The following MTX2 variants were observed in gnomAD, a reference collection of about 807,000 sequenced individuals.
The protein encoded by MTX2 is metaxin-2.
Under a neutral mutation model 42.3 loss-of-function variants are expected in MTX2, and 35 were observed. The ratio of observed to expected loss-of-function variants is 0.83; its 90% confidence interval spans 0.63 to 1.10. The LOEUF (loss-of-function observed/expected upper bound fraction) is 1.10. Ranked by LOEUF, MTX2 falls within the 50% of genes least tolerant of loss-of-function variation. The probability of loss-of-function intolerance (pLI) is 0.00; values close to 1 mark genes in which losing one functional copy is unlikely to be tolerated. For missense variants in MTX2, 307 were observed against 304.1 expected (o/e 1.01, Z -0.07); for synonymous variants, 119 against 100.9 (o/e 1.18, Z -1.08).
At chr2:176,326,706 TAC>T (rs2105442736) in intron 4 of MTX2, 117 bp from the exon 5 acceptor site, 3 of 642,160 alleles carry the variant, frequency 4.7e-6, no homozygotes, top group South Asian at 2.4e-5. Flanking sequence ...TTTCAAAAGT[TAC>T]AGTTTTATGA....
At chr2:176,309,030 G>A (rs181658267) in intron 3 of MTX2, among the ~76,000 whole-genome samples, 102 of 152,278 alleles carry the variant, frequency 6.7e-4, no homozygotes, top group Non-Finnish European at 1.1e-3. Flanking sequence ...TCGGCATTTA[G>A]TGCTATAAAT....
chr2:176,282,522 A>C (rs371836663), intron 1 of MTX2, among the ~76,000 whole-genome samples: 1 of 152,014 alleles, frequency 6.6e-6, no homozygotes. Context: ...GATCCAATTC[A>C]GATTTCATCT....
intron 7 of MTX2, 125 bp downstream of exon 7, chr2:176,329,037 C>G: frequency 1.0e-6 from 1 of 961,568 alleles, no homozygotes; most frequent in Non-Finnish European, 1.5e-6. Context: ...TAGTTTTTCA[C>G]TTACTTTAAT....
At chr2:176,313,765 G>A (rs534189893) in intron 3 of MTX2, among the ~76,000 whole-genome samples, 4 of 152,174 alleles carry the variant, frequency 2.6e-5, no homozygotes, top group South Asian at 2.1e-4. Flanking sequence ...ATGTTCACTC[G>A]AATCTTTTTT....
intron 1 of MTX2, among the ~76,000 whole-genome samples, chr2:176,275,552 G>A (rs543863572): frequency 3.3e-5 from 5 of 151,794 alleles, no homozygotes; most frequent in African/African-American, 4.8e-5. Flanking sequence ...AATTTTAAAA[G>A]GATAAAAATA....
At chr2:176,311,357 T>C (rs1684299665) in intron 3 of MTX2, among the ~76,000 whole-genome samples, 1 of 151,864 alleles carries the variant, frequency 6.6e-6, no homozygotes, top group Admixed American at 6.6e-5. Context: ...TACACGGGGG[T>C]CAGGGATCCA....
intron 1 of MTX2, among the ~76,000 whole-genome samples, chr2:176,282,154 T>TTTTTTTTTTTTTTTTTA (rs1693096722): frequency 6.9e-6 from 1 of 144,440 alleles, no homozygotes; most frequent in South Asian, 2.2e-4. Flanking sequence ...TTTTTTTTTT[T>TTTTTTTTTTTTTTTTTA]GCTGTCAGAT....
At chr2:176,294,348 G>T (rs911699504) in intron 1 of MTX2, among the ~76,000 whole-genome samples, 3 of 145,370 alleles carry the variant, frequency 2.1e-5, no homozygotes, top group Non-Finnish European at 4.5e-5. Flanking sequence ...GCAGTGGCGT[G>T]ATCTTGGCTC....
At position 176,297,841 on chromosome 2, in the gene MTX2, T is replaced by C; in HGVS notation, c.89-8T>C. The C allele has an allele frequency of 1.3e-6, 2 of 1,543,112 alleles. No homozygotes were observed. The highest frequency in any genetic ancestry group is 8.8e-7 in the Non-Finnish European group (1 of 1,139,164). On this transcript the variant is annotated splice_polypyrimidine_tract_variant and splice_region_variant and intron_variant, in intron 2 of 9. Transcript: ENST00000249442. ...GGTTAACATTTATGCTTCATTGTAT[T>C]TCCACAGGGGAGCAAATTTTACTTT...
rs1488805760 is a variant in MTX2, at chr2:176,337,506, G to A, written c.634G>A (p.Asp212Asn). 6.2e-7 allele frequency: 1 copy of A among 1,602,272 alleles called. No individual in the cohort carries two copies. The highest frequency in any genetic ancestry group is 2.3e-5 in the East Asian group (1 of 44,398). Residue 212 changes from aspartate to asparagine, a missense_variant, in exon 10 of 10, where the codon GAC (aspartate) becomes AAC (asparagine). By Grantham distance (23) the Asp-to-Asn change is conservative. Coordinates refer to ENST00000249442, the MANE Select transcript of MTX2 (RefSeq NM_006554.5). ...YFFNKQPTELDALVFGHLYTI... is the reference protein window; with the variant it reads ...YFFNKQPTELNALVFGHLYTI... ...TTCTACTTTTAGGCCTACTGAACTT[G>A]ACGCACTGGTATTTGGCCATCTATA... is the stretch of plus-strand genomic sequence containing the variant.
At chr2:176,274,663 G>A (rs146536152) in intron 1 of MTX2, among the ~76,000 whole-genome samples, 5 of 152,266 alleles carry the variant, frequency 3.3e-5, no homozygotes, top group South Asian at 2.1e-4. Flanking sequence ...GTCAGGAGCC[G>A]GGGGAGATCC....
At chr2:176,322,091 G>A (rs1684598594) in intron 3 of MTX2, among the ~76,000 whole-genome samples, 2 of 152,118 alleles carry the variant, frequency 1.3e-5, no homozygotes, top group Non-Finnish European at 2.9e-5. Context: ...AGAATCAGAG[G>A]ATGCAATTAG....
Position 176,269,579 on chromosome 2 carries a change from C to G in MTX2, c.-51C>G. 3.2e-6 allele frequency: 5 copies of G among 1,542,062 alleles called. No homozygotes were observed. Among genetic ancestry groups the G allele is most frequent in the Non-Finnish European group, 4.4e-6 (5 of 1,147,828 alleles). ...GAGCCTCCGGGTTTGCGGTGGAGGA[C>G]GCTGAGGCCCGTGGGGGGCAGGCAC... is the stretch of plus-strand genomic sequence containing the variant. On this transcript the variant is annotated 5_prime_UTR_variant, in exon 1 of 10. Transcript: ENST00000249442.
At chr2:176,312,843 A>C (rs1190535914) in intron 3 of MTX2, among the ~76,000 whole-genome samples, 3 of 149,370 alleles carry the variant, frequency 2.0e-5, no homozygotes, top group Non-Finnish European at 4.4e-5. Flanking sequence ...AGCCTGGGCA[A>C]CAACAGTGAA....
chr2:176,333,024 G>C (rs1684897450), intron 9 of MTX2, among the ~76,000 whole-genome samples: 1 of 151,276 alleles, frequency 6.6e-6, no homozygotes, highest in Non-Finnish European at 1.5e-5. Context: ...TACTGTTTTT[G>C]TTTTGATATT....
chr2:176,288,895 A>G (rs1466602168), intron 1 of MTX2, among the ~76,000 whole-genome samples: 1 of 151,904 alleles, frequency 6.6e-6, no homozygotes, highest in African/African-American at 2.4e-5. Flanking sequence ...CGAGAGATGG[A>G]CCTCAGAATT....
intron 1 of MTX2, among the ~76,000 whole-genome samples, chr2:176,274,887 G>T (rs1692910801): frequency 6.6e-6 from 1 of 152,192 alleles, no homozygotes; most frequent in African/African-American, 2.4e-5. Flanking sequence ...AAGCTAGGAG[G>T]AAGTGTGTGT....
At chr2:176,311,540 A>T (rs2105428231) in intron 3 of MTX2, among the ~76,000 whole-genome samples, 1 of 152,262 alleles carries the variant, frequency 6.6e-6, no homozygotes, top group South Asian at 2.1e-4. Context: ...GGCCTTGTTG[A>T]TCTGCAGTGG....
At chr2:176,334,252 A>G (rs1235013906) in intron 9 of MTX2, among the ~76,000 whole-genome samples, 1 of 151,894 alleles carries the variant, frequency 6.6e-6, no homozygotes, top group Non-Finnish European at 1.5e-5. Context: ...GTGCCCATCT[A>G]TACTACTGGA....
Sources: gnomAD v4.1 joint callset for allele counts (sites outside exome capture counted in the v4.1 genomes callset) on GRCh38, gnomAD v4.1.1 for gene constraint, MANE v1.5 for transcripts, NCBI Gene and HGNC (gene_info 2026-07-23, HGNC 2026-07-21) for gene names.